ATRNL1: variants seen among roughly 807,000 people sequenced by gnomAD.
ATRNL1 encodes attractin like 1.
ATRNL1 carries 95 observed loss-of-function variants against 182.7 expected under a neutral mutation model. The observed-to-expected ratio is 0.52, with a 90% CI of 0.44 to 0.62. The LOEUF is 0.62. Ranked by LOEUF, ATRNL1 falls within the 20% of genes least tolerant of loss-of-function variation. ATRNL1 has a pLI of 0.00. For synonymous variants in ATRNL1, 576 were observed against 568.3 expected, an observed-to-expected ratio of 1.01 and a Z score of -0.19; for missense variants, 1,471 against 1,679.5, an observed-to-expected ratio of 0.88 and a Z score of 2.17.
At chr10:115,396,202 C>T (rs1844280511) in intron 20 of ATRNL1, among the ~76,000 whole-genome samples, 2 of 151,848 alleles carry the variant, frequency 1.3e-5, no homozygotes, top group Admixed American at 6.6e-5. Context: ...TCTCTATAGT[C>T]TGAAGTTAAA....
chr10:115,478,816 T>A (rs925645758), intron 24 of ATRNL1, among the ~76,000 whole-genome samples: 2 of 151,754 alleles, frequency 1.3e-5, no homozygotes, highest in Non-Finnish European at 2.9e-5. Flanking sequence ...ATTATAGTTT[T>A]GTCAAAATAG....
intron 26 of ATRNL1, among the ~76,000 whole-genome samples, chr10:115,556,775 C>T (rs1853338735): frequency 6.6e-6 from 1 of 150,792 alleles, no homozygotes; most frequent in African/African-American, 2.4e-5. Flanking sequence ...AACAACAACT[C>T]CTGTATATCT....
At position 115,313,036 on chromosome 10, in the gene ATRNL1, TG is replaced by T. The variant is rs554732302; in HGVS notation, c.2819-2481del. Among the ~76,000 whole-genome samples the T allele has an allele frequency of 2.5e-4, 38 of 152,128 alleles. No individual in the cohort carries two copies. The East Asian group carries it at 6.2e-3, about 25-fold the overall frequency. Reference sequence around the variant, plus strand: ...TAAAATTTTTATTTATATCCTGAATTGTTTTTTTACATTTTCTTATGTTGGT... The same window carrying T: ...TAAAATTTTTATTTATATCCTGAATTTTTTTTTACATTTTCTTATGTTGGT... On this transcript the variant is annotated intron_variant, in intron 17 of 28. Coordinates refer to ENST00000355044, the MANE Select transcript of ATRNL1 (RefSeq NM_207303.4).
chr10:115,656,498 G>A (rs1555035955), intron 26 of ATRNL1, among the ~76,000 whole-genome samples: 1 of 152,124 alleles, frequency 6.6e-6, no homozygotes, highest in African/African-American at 2.4e-5. Flanking sequence ...AAGTATGGGT[G>A]TGTGTGTGAG....
intron 26 of ATRNL1, among the ~76,000 whole-genome samples, chr10:115,628,077 G>A (rs1451977918): frequency 6.6e-6 from 1 of 150,960 alleles, no homozygotes; most frequent in East Asian, 2.0e-4. Context: ...AACCCGGGAG[G>A]CGGAGGTTAC....
intron 27 of ATRNL1, among the ~76,000 whole-genome samples, chr10:115,776,366 A>G (rs1409980224): frequency 6.6e-6 from 1 of 152,184 alleles, no homozygotes; most frequent in East Asian, 1.9e-4. Context: ...AGAATAAAGA[A>G]TATTTCATAA....
intron 3 of ATRNL1, among the ~76,000 whole-genome samples, chr10:115,125,896 G>C (rs151294841): frequency 6.6e-6 from 1 of 152,128 alleles, no homozygotes; most frequent in Non-Finnish European, 1.5e-5. Context: ...TCAATGCCTG[G>C]GCAGGCCTTC....
intron 5 of ATRNL1, among the ~76,000 whole-genome samples, chr10:115,144,915 A>AC (rs1845909134): frequency 2.3e-4 from 3 of 13,192 alleles, no homozygotes; most frequent in Non-Finnish European, 6.9e-4. Context: ...TTTTATTAAT[A>AC]AAAAATTGAA....
At chr10:115,888,162 C>G (rs1951996192) in intron 28 of ATRNL1, among the ~76,000 whole-genome samples, 3 of 152,256 alleles carry the variant, frequency 2.0e-5, no homozygotes, top group South Asian at 4.1e-4. Context: ...TTTCTCCTTA[C>G]CCTTCAGTTT....
At chr10:115,746,251 T>G (rs1948288756) in intron 27 of ATRNL1, among the ~76,000 whole-genome samples, 1 of 152,140 alleles carries the variant, frequency 6.6e-6, no homozygotes, top group Admixed American at 6.6e-5. Flanking sequence ...CTCAGAGTTT[T>G]TGATTTATCA....
At chr10:115,382,018 G>C (rs1858043097) in intron 19 of ATRNL1, among the ~76,000 whole-genome samples, 1 of 151,852 alleles carries the variant, frequency 6.6e-6, no homozygotes, top group African/African-American at 2.4e-5. Context: ...TAAGTGTAAT[G>C]GTTTATTTTT....
At chr10:115,328,660 T>C (rs782753661) in intron 18 of ATRNL1, among the ~76,000 whole-genome samples, 1 of 152,258 alleles carries the variant, frequency 6.6e-6, no homozygotes, top group East Asian at 1.9e-4. Context: ...AGATACCATA[T>C]ATGACTGAGA....
chr10:115,635,174 C>G (rs979433813), intron 26 of ATRNL1, among the ~76,000 whole-genome samples: 42 of 151,946 alleles, frequency 2.8e-4, no homozygotes, highest in African/African-American at 9.9e-4. Flanking sequence ...TTATCTTCGT[C>G]AAAGTACATT....
intron 28 of ATRNL1, among the ~76,000 whole-genome samples, chr10:115,908,848 T>G (rs1555115162): frequency 6.6e-6 from 1 of 152,186 alleles, no homozygotes; most frequent in African/African-American, 2.4e-5. Flanking sequence ...CTCATTACTT[T>G]TTTCTTAAAC....
intron 27 of ATRNL1, among the ~76,000 whole-genome samples, chr10:115,831,986 C>T (rs974939570): frequency 6.6e-6 from 1 of 152,102 alleles, no homozygotes; most frequent in Non-Finnish European, 1.5e-5. Flanking sequence ...AAATAGTCTT[C>T]TTCTGAAGTG....
At chr10:115,324,724 G>A (rs116084118) in intron 18 of ATRNL1, among the ~76,000 whole-genome samples, 1,968 of 152,180 alleles carry the variant, frequency 0.013, 39 homozygotes, top group African/African-American at 0.044. Context: ...TTCATAGATA[G>A]TGTCTCCAGT....
chr10:115,272,404 G>A (rs577982467), intron 13 of ATRNL1, among the ~76,000 whole-genome samples: 2 of 152,250 alleles, frequency 1.3e-5, no homozygotes, highest in Admixed American at 6.5e-5. Context: ...TTTGACTGAT[G>A]ATTTAGAGGT....
At chr10:115,121,902 G>T (rs1462249520) in intron 3 of ATRNL1, 90 bp downstream of exon 3, 3 of 559,658 alleles carry the variant, frequency 5.4e-6, no homozygotes, top group East Asian at 3.2e-5. Context: ...AATAAATTTA[G>T]TAAAGATATT....
At chr10:115,869,323 T>TAA (rs1951521732) in intron 28 of ATRNL1, among the ~76,000 whole-genome samples, 1 of 152,182 alleles carries the variant, frequency 6.6e-6, no homozygotes, top group Admixed American at 6.5e-5. Flanking sequence ...GCAATTTGCA[T>TAA]AAAAATATAC....
Sources: allele counts gnomAD v4.1 joint callset (sites outside exome capture counted in the v4.1 genomes callset), GRCh38; gene constraint gnomAD v4.1.1; transcripts MANE v1.5; gene names NCBI Gene and HGNC (gene_info 2026-07-23, HGNC 2026-07-21).